The following GSK3B variants were observed in gnomAD, a reference collection of about 807,000 sequenced individuals.
GSK3B encodes glycogen synthase kinase 3 beta, also known as glycogen synthase kinase-3 beta.
GSK3B carries 15 observed loss-of-function variants against 56.4 expected under a neutral mutation model. The ratio of observed to expected loss-of-function variants is 0.27; its 90% CI spans 0.18 to 0.41. The LOEUF (loss-of-function observed/expected upper bound fraction) is 0.41. Among genes scored for constraint, GSK3B ranks in the 10% least tolerant of loss-of-function variants. The pLI, the probability that GSK3B is intolerant of heterozygous loss-of-function variation, is 1.00. For missense variants in GSK3B, 300 were observed against 513.4 expected (o/e 0.58, Z 4.02); for synonymous variants, 181 against 188.9 (o/e 0.96, Z 0.34).
At chr3:120,032,805 C>T (rs1288069940) in intron 1 of GSK3B, among the ~76,000 whole-genome samples, 1 of 152,190 alleles carries the variant, frequency 6.6e-6, no homozygotes, top group Non-Finnish European at 1.5e-5. Flanking sequence ...GTACATTTCC[C>T]TAGAACATAG....
chr3:120,037,565 A>C (rs1462866040), intron 1 of GSK3B, among the ~76,000 whole-genome samples: 3 of 152,206 alleles, frequency 2.0e-5, no homozygotes, highest in Non-Finnish European at 2.9e-5. Context: ...AATATGTTTT[A>C]TAAAGTGAAC....
At chr3:120,087,110 T>C (rs2058469553) in intron 1 of GSK3B, among the ~76,000 whole-genome samples, 1 of 152,198 alleles carries the variant, frequency 6.6e-6, no homozygotes, top group Admixed American at 6.5e-5. Context: ...TGTCTGCAGA[T>C]ATTAGCTGCT....
At chr3:119,862,734 TCAG>T (rs1010364359) in intron 9 of GSK3B, among the ~76,000 whole-genome samples, 7 of 144,000 alleles carry the variant, frequency 4.9e-5, no homozygotes, top group Non-Finnish European at 1.1e-4. Context: ...GAAAGTCACA[TCAG>T]CAGAGGCGGT....
chr3:119,971,578 T>C (rs562312419), intron 2 of GSK3B, among the ~76,000 whole-genome samples: 10 of 150,716 alleles, frequency 6.6e-5, no homozygotes, highest in Non-Finnish European at 1.0e-4. Flanking sequence ...TAAAACATAT[T>C]GATACTTAAA....
At chr3:119,838,258 G>A (rs893848960) in intron 10 of GSK3B, among the ~76,000 whole-genome samples, 3 of 151,992 alleles carry the variant, frequency 2.0e-5, no homozygotes, top group African/African-American at 7.3e-5. Flanking sequence ...CTGTACTCCA[G>A]TCTGGGCAAC....
intron 2 of GSK3B, 36 bp downstream of exon 2, chr3:120,002,010 A>G (rs1451913550): frequency 7.3e-7 from 1 of 1,368,890 alleles, no homozygotes; most frequent in South Asian, 1.5e-5. Flanking sequence ...ATGTATTACG[A>G]CAGCAACAAA....
intron 1 of GSK3B, among the ~76,000 whole-genome samples, chr3:120,068,026 T>C (rs369514035): frequency 2.0e-5 from 3 of 152,350 alleles, no homozygotes; most frequent in South Asian, 2.1e-4. Flanking sequence ...TATTTCTTTG[T>C]CTTATGCATC....
Position 120,007,636 on chromosome 3 carries a change from C to G in GSK3B, c.89-5397G>C, listed in dbSNP as rs571582097. 7.2e-5 allele frequency among the ~76,000 whole-genome samples: 11 copies of G among 152,158 alleles called. No individual in the cohort carries two copies. In the South Asian group the frequency reaches 1.0e-3, roughly 14 times the overall value. ...ACATATGCAAATCAATAAATGTAAT[C>G]CATCACATAAACAGAACCAATGACA... On this transcript the variant is annotated intron_variant, in intron 1 of 10. Transcript: ENST00000264235.
At chr3:119,958,216 TA>T (rs1261206858) in intron 2 of GSK3B, among the ~76,000 whole-genome samples, 1 of 152,138 alleles carries the variant, frequency 6.6e-6, no homozygotes, top group African/African-American at 2.4e-5. Flanking sequence ...GCCATGACTG[TA>T]AATTTCCTAA....
intron 2 of GSK3B, among the ~76,000 whole-genome samples, chr3:119,984,209 G>A (rs1379469115): frequency 7.2e-5 from 11 of 152,180 alleles, no homozygotes; most frequent in African/African-American, 2.4e-4. Flanking sequence ...TTAAAGCAGT[G>A]TGTAGAGGGA....
At chr3:119,935,506 T>C (rs1360071480) in intron 3 of GSK3B, among the ~76,000 whole-genome samples, 1 of 152,132 alleles carries the variant, frequency 6.6e-6, no homozygotes. Flanking sequence ...CCTAGCCTCA[T>C]CTCCACTACA....
At chr3:119,918,497 C>CA (rs112912264) in intron 4 of GSK3B, among the ~76,000 whole-genome samples, 16 of 149,146 alleles carry the variant, frequency 1.1e-4, no homozygotes, top group South Asian at 4.3e-4. Flanking sequence ...CAAAACAAAA[C>CA]AAAAAAAAAG....
Position 120,093,337 on chromosome 3 carries a change from C to T in GSK3B, c.88+10G>A, listed in dbSNP as rs1471752505. 7 of 1,581,082 alleles carry T rather than the reference C, an allele frequency of 4.4e-6. No individual in the cohort carries two copies. The highest frequency in any genetic ancestry group is 1.7e-5 in the Admixed American group (1 of 59,832). The stretch of plus-strand genomic sequence containing the variant: ...GTGGAAAAGGGGTGTAAAATAAAAC[C>T]AATACTCACTGCTAACTTTCATGCT... On this transcript the variant is annotated intron_variant, in intron 1 of 10. Coordinates refer to ENST00000264235, the MANE Select transcript of GSK3B (RefSeq NM_001146156.2).
chr3:120,008,111 G>T (rs1350239496), intron 1 of GSK3B, among the ~76,000 whole-genome samples: 1 of 152,150 alleles, frequency 6.6e-6, no homozygotes, highest in Non-Finnish European at 1.5e-5. Context: ...GCCAAATCAT[G>T]AGTGAACTCC....
intron 9 of GSK3B, among the ~76,000 whole-genome samples, chr3:119,856,716 T>C (rs946980515): frequency 1.8e-4 from 27 of 152,188 alleles, no homozygotes; most frequent in African/African-American, 6.0e-4. Context: ...TTTACTCTTC[T>C]AGATTACTTA....
At position 119,880,024 on chromosome 3, in the gene GSK3B, G is replaced by GT. The variant is rs1273433573; in HGVS notation, c.814-3517dup. On this transcript the variant is annotated intron_variant, in intron 7 of 10. Coordinates refer to ENST00000264235, the MANE Select transcript of GSK3B (RefSeq NM_001146156.2). ...TAGATGGTAGGCAGCTCTATTTTTAGTTTTTTTAGGAGCCTCCAAACTGTT... is the reference window on the plus strand; with the variant it reads ...TAGATGGTAGGCAGCTCTATTTTTAGTTTTTTTTAGGAGCCTCCAAACTGTT... 2.6e-5 allele frequency among the ~76,000 whole-genome samples: 4 copies of GT among 152,188 alleles called. No individual in the cohort carries two copies. The East Asian group carries it at 5.8e-4, about 22-fold the overall frequency.
intron 10 of GSK3B, among the ~76,000 whole-genome samples, chr3:119,829,631 G>A (rs1242962432): frequency 6.6e-6 from 1 of 152,214 alleles, no homozygotes; most frequent in Non-Finnish European, 1.5e-5. Context: ...GCATTAATGT[G>A]CAGATGTCCT....
At chr3:119,922,224 A>AGGAG (rs1343062550) in intron 4 of GSK3B, among the ~76,000 whole-genome samples, 56 of 95,100 alleles carry the variant, frequency 5.9e-4, no homozygotes, top group African/African-American at 2.3e-3. Flanking sequence ...GAAGGAAGGA[A>AGGAG]GGAGGGAAGG....
At chr3:119,922,204 A>AGGAAGGAAGGAAGGAAGGAG (rs2056847586) in intron 4 of GSK3B, among the ~76,000 whole-genome samples, 1 of 121,056 alleles carries the variant, frequency 8.3e-6, no homozygotes, top group African/African-American at 3.4e-5. Flanking sequence ...TAGGTAGGGA[A>AGGAAGGAAGGAAGGAAGGAG]GGAGGGAAGG....
Sources: allele counts gnomAD v4.1 joint callset (sites outside exome capture counted in the v4.1 genomes callset), GRCh38; gene constraint gnomAD v4.1.1; transcripts MANE v1.5; gene names NCBI Gene and HGNC (gene_info 2026-07-23, HGNC 2026-07-21).